Variants in VWA5A observed in about 807,000 individuals in gnomAD.
VWA5A encodes von Willebrand factor A domain containing 5A.
VWA5A carries 77 observed loss-of-function variants against 84.6 expected under a neutral mutation model. The ratio of observed to expected loss-of-function variants is 0.91; its 90% CI spans 0.76 to 1.10. The LOEUF (loss-of-function observed/expected upper bound fraction) is 1.10, where lower values mean the gene tolerates loss of function less well. VWA5A is among the 50% of genes least tolerant of loss of function. The pLI, the probability that VWA5A is intolerant of heterozygous loss-of-function variation, is 0.00. For synonymous variants in VWA5A, 334 were observed against 350.1 expected, an observed-to-expected ratio of 0.95 and a Z score of 0.51; for missense variants, 973 against 963.0, an observed-to-expected ratio of 1.01 and a Z score of -0.14.
chr11:124,138,944 T>C (rs1860672411), intron 15 of VWA5A, among the ~76,000 whole-genome samples: 1 of 152,220 alleles, frequency 6.6e-6, no homozygotes, highest in African/African-American at 2.4e-5. Context: ...TTTGAGTTGG[T>C]TTTTCTATGT....
chr11:124,139,807 T>C (rs2137662712), intron 15 of VWA5A, among the ~76,000 whole-genome samples: 1 of 152,270 alleles, frequency 6.6e-6, no homozygotes, highest in South Asian at 2.1e-4. Flanking sequence ...TCTTGCCTAA[T>C]TGCACTGGCT....
chr11:124,123,869 C>A, intron 10 of VWA5A, 65 bp downstream of exon 10: 1 of 1,509,082 alleles, frequency 6.6e-7, no homozygotes, highest in Non-Finnish European at 8.8e-7. Flanking sequence ...ATCTATGCCC[C>A]TGAGCTTCAT....
At position 124,145,965 on chromosome 11, in the gene VWA5A, A is replaced by G; in HGVS notation, c.*20A>G. On this transcript the variant is annotated 3_prime_UTR_variant, in exon 19 of 19. Transcript: ENST00000456829. ...TTTTGAAGATACCATCCAGAAAAAG[A>G]AGTGCCTTTAATTTGCTACTGTCAT... is the stretch of plus-strand genomic sequence containing the variant. The G allele has an allele frequency of 6.4e-7, 1 of 1,570,374 alleles. No individual in the cohort carries two copies. The highest frequency in any genetic ancestry group is 8.7e-7 in the Non-Finnish European group (1 of 1,154,074).
intron 11 of VWA5A, among the ~76,000 whole-genome samples, chr11:124,133,343 C>G (rs1055955610): frequency 6.6e-6 from 1 of 152,172 alleles, no homozygotes; most frequent in Non-Finnish European, 1.5e-5. Flanking sequence ...TTTTGTTCCT[C>G]CCGCCTGCGT....
intron 1 of VWA5A, 83 bp downstream of exon 1, chr11:124,115,565 C>T (rs576154959): frequency 6.6e-6 from 1 of 152,320 alleles, no homozygotes; most frequent in Admixed American, 6.5e-5. Context: ...AGCTCCCTTT[C>T]CCCAGTCCCC....
chr11:124,128,263 A>G (rs1865048670), intron 11 of VWA5A, among the ~76,000 whole-genome samples: 1 of 152,222 alleles, frequency 6.6e-6, no homozygotes, highest in Admixed American at 6.5e-5. Context: ...CATTTATTAA[A>G]TAGGAAATCC....
At chr11:124,137,859 T>A (rs1430757457) in intron 15 of VWA5A, among the ~76,000 whole-genome samples, 6 of 152,180 alleles carry the variant, frequency 3.9e-5, no homozygotes, top group Admixed American at 3.9e-4. Context: ...TCTGGACTTA[T>A]TTTCCTTCTT....
At chr11:124,140,572 T>C (rs1367179628) in intron 15 of VWA5A, among the ~76,000 whole-genome samples, 1 of 152,144 alleles carries the variant, frequency 6.6e-6, no homozygotes, top group African/African-American at 2.4e-5. Flanking sequence ...AAAGTGATTC[T>C]CCCACCTCAG....
At chr11:124,118,496 T>C (rs1179375673) in intron 5 of VWA5A, 37 bp from the exon 6 acceptor site, 2 of 1,611,526 alleles carry the variant, frequency 1.2e-6, no homozygotes, top group South Asian at 1.1e-5. Flanking sequence ...ATAAAAAGTG[T>C]TGGCAAGGAA....
intron 11 of VWA5A, among the ~76,000 whole-genome samples, chr11:124,133,336 T>A (rs1444936306): frequency 6.6e-6 from 1 of 152,222 alleles, no homozygotes; most frequent in Non-Finnish European, 1.5e-5. Flanking sequence ...ATTGATATTT[T>A]GTTCCTCCCG....
rs767672236 is a variant in VWA5A, at chr11:124,123,843, T to C, written c.1164+39T>C. On this transcript the variant is annotated intron_variant, in intron 10 of 18. Transcript: ENST00000456829. ...CAGAGCTAACAGAAGAGACAGGAAG[T>C]GTGAAATCTCTAAGAATCTATGCCC... The C allele has an allele frequency of 1.4e-5, 22 of 1,527,412 alleles. No homozygotes were observed. The East Asian group carries it at 5.0e-4, about 35-fold the overall frequency. The allele number at this position is 1,527,412 out of a possible 1,614,324, so 94.6% of individuals were successfully genotyped here.
chr11:124,123,180 A>C (rs1461061209), intron 8 of VWA5A, 51 bp downstream of exon 8: 1 of 1,581,236 alleles, frequency 6.3e-7, no homozygotes, highest in Admixed American at 1.8e-5. Flanking sequence ...GTGAGGATGA[A>C]TCTGAGGGGT....
rs955715834 is a variant in VWA5A at position 124,146,515 on chromosome 11, T to C, written c.*570T>C. ...GGGGACCTTCCTGATTCATTCTTCTTGGGCTTTGCTAGCCTGTACAACCTA... is the reference window on the plus strand; with the variant it reads ...GGGGACCTTCCTGATTCATTCTTCTCGGGCTTTGCTAGCCTGTACAACCTA... On this transcript the variant is annotated 3_prime_UTR_variant, in exon 19 of 19. Coordinates refer to ENST00000456829, the MANE Select transcript of VWA5A (RefSeq NM_001130142.2). 1 of 152,808 alleles carries C rather than the reference T, an allele frequency of 6.5e-6. No individual in the cohort carries two copies. The highest frequency in any genetic ancestry group is 2.4e-5 in the African/African-American group (1 of 41,468). 9.5% of individuals were successfully genotyped at this position (152,808 alleles called of 1,614,324 possible). A position where few individuals can be genotyped will look rare whatever the true frequency, so the allele number is the denominator to read the frequency against.
intron 15 of VWA5A, among the ~76,000 whole-genome samples, chr11:124,137,844 T>C (rs1198513144): frequency 6.6e-6 from 1 of 152,162 alleles, no homozygotes; most frequent in African/African-American, 2.4e-5. Flanking sequence ...TCTTTATATA[T>C]TTGTTCTGGA....
intron 9 of VWA5A, 90 bp downstream of exon 9, chr11:124,123,544 T>C: frequency 6.2e-7 from 1 of 1,605,206 alleles, no homozygotes; most frequent in Non-Finnish European, 8.5e-7. Flanking sequence ...GAGTTGACTT[T>C]GGCATTGGGG....
Position 124,145,235 on chromosome 11 carries a change from A to G in VWA5A, c.2155-2A>G. On this transcript the variant is annotated splice_acceptor_variant, in intron 17 of 18. Transcript: ENST00000456829. LOFTEE classifies it high-confidence loss of function. Reference sequence around the variant, plus strand: ...AACTGGAGCTCTCTATCTACTGTGCAGCTTGTGGATTCCTCAGGCTGGGCC... The same window carrying G: ...AACTGGAGCTCTCTATCTACTGTGCGGCTTGTGGATTCCTCAGGCTGGGCC... 6.2e-7 allele frequency: 1 copy of G among 1,612,402 alleles called. No individual in the cohort carries two copies. The highest frequency in any genetic ancestry group is 1.3e-5 in the African/African-American group (1 of 74,982).
intron 15 of VWA5A, 58 bp from the exon 16 acceptor site, chr11:124,141,540 C>G: frequency 6.3e-7 from 1 of 1,597,270 alleles, no homozygotes; most frequent in South Asian, 1.1e-5. Context: ...TTGTCACAGT[C>G]CTTTGCCCAC....
At chr11:124,135,062 T>C (rs1865153826) in intron 12 of VWA5A, 28 bp downstream of exon 12, 1 of 1,594,512 alleles carries the variant, frequency 6.3e-7, no homozygotes, top group African/African-American at 1.3e-5. Flanking sequence ...TGTGTCTGTC[T>C]GGAGGTGGCA....
intron 18 of VWA5A, 104 bp from the exon 19 acceptor site, chr11:124,145,762 T>A: frequency 8.4e-7 from 1 of 1,185,006 alleles, no homozygotes; most frequent in Non-Finnish European, 1.2e-6. Flanking sequence ...AGCAGGGATA[T>A]TGAGGACAGA....
Sources: gnomAD v4.1 joint callset for allele counts (sites outside exome capture counted in the v4.1 genomes callset) on GRCh38, gnomAD v4.1.1 for gene constraint, MANE v1.5 for transcripts, NCBI Gene and HGNC (gene_info 2026-07-23, HGNC 2026-07-21) for gene names.